Variants in RBFOX1 observed in about 807,000 individuals in gnomAD.
The protein encoded by RBFOX1 is RNA binding fox-1 homolog 1, also known as RNA binding protein fox-1 homolog 1.
A neutral mutation model predicts 57.7 loss-of-function variants in RBFOX1; 8 were observed. The observed-to-expected ratio is 0.14, with a 90% CI of 0.08 to 0.25. The LOEUF (loss-of-function observed/expected upper bound fraction) is 0.25, where lower values mean the gene tolerates loss of function less well. Ranked by LOEUF, RBFOX1 falls within the 10% of genes least tolerant of loss-of-function variation. The pLI, the probability that RBFOX1 is intolerant of heterozygous loss-of-function variation, is 1.00. For synonymous variants in RBFOX1, 326 were observed against 222.4 expected (o/e 1.47, Z -4.15); for missense variants, 611 against 548.5 (o/e 1.11, Z -1.14).
chr16:7,106,139 C>T (rs1294913875), intron 4 of RBFOX1, among the ~76,000 whole-genome samples: 1 of 152,184 alleles, frequency 6.6e-6, no homozygotes. Flanking sequence ...TCTATAGCAG[C>T]ATCATGACCT....
At chr16:7,319,802 C>G (rs1401133197) in intron 4 of RBFOX1, among the ~76,000 whole-genome samples, 1 of 152,092 alleles carries the variant, frequency 6.6e-6, no homozygotes, top group African/African-American at 2.4e-5. Context: ...GCCCTCCCTG[C>G]TCAAGTTGCC....
chr16:5,520,028 G>A (rs538496411), intron 2 of RBFOX1, among the ~76,000 whole-genome samples: 5 of 152,298 alleles, frequency 3.3e-5, no homozygotes, highest in Admixed American at 6.5e-5. Context: ...ACTGATAAAC[G>A]TATAACTAAA....
intron 4 of RBFOX1, among the ~76,000 whole-genome samples, chr16:7,166,993 T>TTTTTTTTTTTTTTTG (rs2079676356): frequency 7.9e-6 from 1 of 127,336 alleles, no homozygotes; most frequent in Non-Finnish European, 1.6e-5. Context: ...TTTTTTTTTT[T>TTTTTTTTTTTTTTTG]TTTTTTTTTT....
At chr16:5,753,358 T>A (rs1415807674) in intron 3 of RBFOX1, among the ~76,000 whole-genome samples, 1 of 152,152 alleles carries the variant, frequency 6.6e-6, no homozygotes, top group East Asian at 1.9e-4. Context: ...TGTGCCCTGA[T>A]TAGTGGTTAT....
intron 1 of RBFOX1, among the ~76,000 whole-genome samples, chr16:6,201,953 C>G (rs773796194): frequency 6.6e-6 from 1 of 152,254 alleles, no homozygotes; most frequent in East Asian, 1.9e-4. Flanking sequence ...TGAGGGTCCC[C>G]TAGGTCAACT....
intron 4 of RBFOX1, among the ~76,000 whole-genome samples, chr16:7,478,550 G>A (rs574124508): frequency 5.4e-4 from 82 of 152,232 alleles, no homozygotes; most frequent in African/African-American, 1.9e-3. Flanking sequence ...TAACCCTGAG[G>A]TCCTTGATGC....
chr16:7,021,124 T>C (rs2038907201), intron 3 of RBFOX1, among the ~76,000 whole-genome samples: 1 of 152,060 alleles, frequency 6.6e-6, no homozygotes, highest in Non-Finnish European at 1.5e-5. Flanking sequence ...CAAGACTCTT[T>C]TTCAAAAAAA....
intron 3 of RBFOX1, among the ~76,000 whole-genome samples, chr16:6,928,600 C>A (rs1294087261): frequency 6.6e-6 from 1 of 152,164 alleles, no homozygotes; most frequent in African/African-American, 2.4e-5. Flanking sequence ...ATGTGTCTTA[C>A]AGTTACCCTG....
intron 1 of RBFOX1, among the ~76,000 whole-genome samples, chr16:6,096,255 C>G (rs2096244145): frequency 6.6e-6 from 1 of 152,008 alleles, no homozygotes; most frequent in Non-Finnish European, 1.5e-5. Context: ...AAAGTTCTGT[C>G]CCAAAGAAAA....
chr16:6,389,323 A>G (rs1193893582), intron 2 of RBFOX1, among the ~76,000 whole-genome samples: 3 of 151,694 alleles, frequency 2.0e-5, no homozygotes, highest in African/African-American at 4.9e-5. Flanking sequence ...CATTGTCAAG[A>G]TGACCTGCCC....
At chr16:7,388,182 A>T (rs540655091) in intron 4 of RBFOX1, among the ~76,000 whole-genome samples, 4 of 152,278 alleles carry the variant, frequency 2.6e-5, no homozygotes, top group African/African-American at 9.6e-5. Context: ...GGAGCTAGAA[A>T]AGATTAAGCC....
In RBFOX1 at chr16:6,927,414, C is replaced by CAAAAAAAAAAA. The variant is rs1194663760; in HGVS notation, c.-15-124628_-15-124618dup. On this transcript the variant is annotated intron_variant, in intron 3 of 15. Transcript: ENST00000550418. ...GGCAACAGAGTGAGACGCTTTCTCACAAAAAAAAAAAAAAAAAAAAAAAAA... is the reference window on the plus strand; with the variant it reads ...GGCAACAGAGTGAGACGCTTTCTCACAAAAAAAAAAAAAAAAAAAAAAAAAAAAAAAAAAAA... Among the ~76,000 whole-genome samples, 23 of 53,138 alleles carry CAAAAAAAAAAA rather than the reference C, an allele frequency of 4.3e-4. 2 individuals are homozygous for CAAAAAAAAAAA. Among genetic ancestry groups the CAAAAAAAAAAA allele is most frequent in the South Asian group, 1.1e-3 (1 of 906 alleles). 34.9% of individuals were successfully genotyped at this position (53,138 alleles called of 152,430 possible).
At chr16:7,322,292 T>G (rs1285671890) in intron 4 of RBFOX1, among the ~76,000 whole-genome samples, 1 of 152,234 alleles carries the variant, frequency 6.6e-6, no homozygotes, top group East Asian at 1.9e-4. Context: ...ACCTGCCCCA[T>G]GTTGTTTGAC....
At chr16:7,015,753 C>T (rs562685584) in intron 3 of RBFOX1, among the ~76,000 whole-genome samples, 1 of 151,876 alleles carries the variant, frequency 6.6e-6, no homozygotes, top group African/African-American at 2.4e-5. Context: ...ATTTTAATAA[C>T]ATTTTCTTTT....
chr16:6,880,068 C>G (rs992159933), intron 3 of RBFOX1, among the ~76,000 whole-genome samples: 23 of 152,314 alleles, frequency 1.5e-4, no homozygotes, highest in African/African-American at 5.3e-4. Flanking sequence ...CCAGATTCAA[C>G]TCCTTTCTCC....
chr16:7,086,943 G>A (rs1266122759), intron 4 of RBFOX1, among the ~76,000 whole-genome samples: 2 of 152,032 alleles, frequency 1.3e-5, no homozygotes, highest in African/African-American at 4.8e-5. Flanking sequence ...CCCTTTTCCC[G>A]GTCCACACCC....
intron 2 of RBFOX1, among the ~76,000 whole-genome samples, chr16:6,408,898 A>G (rs1022266916): frequency 1.1e-4 from 16 of 152,140 alleles, no homozygotes; most frequent in African/African-American, 3.4e-4. Context: ...TCTTCATGTA[A>G]TTAATCATTG....
intron 3 of RBFOX1, among the ~76,000 whole-genome samples, chr16:5,811,932 C>T (rs772388484): frequency 6.6e-6 from 1 of 152,188 alleles, no homozygotes; most frequent in Non-Finnish European, 1.5e-5. Context: ...TCTACTCTCC[C>T]TCAACCTCCA....
rs1438028185 is a variant in RBFOX1, at chr16:5,590,076, C to CAA, written c.259-8822_259-8821dup. On this transcript the variant is annotated intron_variant, in intron 2 of 2. Transcript: ENST00000585867. ...ACACACACACACACACACACACACA[C>CAA]AAAAAGGGCAGCAGGTGTTATTTGG... Among the ~76,000 whole-genome samples the CAA allele has an allele frequency of 7.6e-4, 70 of 92,692 alleles. 1 individual carries two copies. The South Asian group carries it at 0.016, about 21-fold the overall frequency. 60.8% of individuals were successfully genotyped at this position (92,692 alleles called of 152,430 possible).
Sources: gnomAD v4.1 joint callset for allele counts (sites outside exome capture counted in the v4.1 genomes callset) on GRCh38, gnomAD v4.1.1 for gene constraint, MANE v1.5 for transcripts, NCBI Gene and HGNC (gene_info 2026-07-23, HGNC 2026-07-21) for gene names.